The following SNTG2 variants were observed in gnomAD, a reference collection of about 807,000 sequenced individuals.
The protein encoded by SNTG2 is gamma-2-syntrophin.
Under a neutral mutation model 70.9 loss-of-function variants are expected in SNTG2, and 74 were observed. That is an observed-to-expected ratio of 1.04 (90% CI 0.86 to 1.27). The LOEUF is 1.27. SNTG2 is among the 50% of genes most tolerant of loss of function. The pLI, the probability that SNTG2 is intolerant of heterozygous loss-of-function variation, is 0.00. For missense variants in SNTG2, 717 were observed against 690.7 expected (o/e 1.04, Z -0.43); for synonymous variants, 278 against 273.8 (o/e 1.02, Z -0.15).
At chr2:1,168,231 ACGGCAGAAC>A (rs1248057069) in intron 7 of SNTG2, among the ~76,000 whole-genome samples, 67 of 144,520 alleles carry the variant, frequency 4.6e-4, no homozygotes, top group Non-Finnish European at 1.5e-4. Context: ...CCGCCCACAG[ACGGCAGAAC>A]TGAAGCCTAC....
chr2:1,278,410 G>T (rs1350279528), intron 14 of SNTG2, among the ~76,000 whole-genome samples: 1 of 152,162 alleles, frequency 6.6e-6, no homozygotes, highest in Non-Finnish European at 1.5e-5. Context: ...GAGGGCACCA[G>T]GTGCTAGTGA....
chr2:1,362,426 G>A (rs1354615520), intron 16 of SNTG2, among the ~76,000 whole-genome samples: 5 of 150,434 alleles, frequency 3.3e-5, no homozygotes, highest in Admixed American at 2.0e-4. Context: ...GGTCACTAAC[G>A]CTGAGCATTT....
chr2:958,977 C>G (rs780529034), intron 1 of SNTG2, among the ~76,000 whole-genome samples: 2 of 152,158 alleles, frequency 1.3e-5, no homozygotes, highest in African/African-American at 2.4e-5. Context: ...AGGATAAGGA[C>G]TCACACACAG....
intron 1 of SNTG2, among the ~76,000 whole-genome samples, chr2:1,042,748 ATTTTCT>A (rs1572282912): frequency 6.6e-6 from 1 of 152,082 alleles, no homozygotes; most frequent in Non-Finnish European, 1.5e-5. Context: ...TATGGACCAC[ATTTTCT>A]TTATCTGCTC....
chr2:1,182,043 T>A (rs1671938754), intron 8 of SNTG2, among the ~76,000 whole-genome samples: 1 of 152,194 alleles, frequency 6.6e-6, no homozygotes, highest in Admixed American at 6.5e-5. Context: ...GGCTTGTTAA[T>A]TGGTTAGTGT....
At position 1,110,573 on chromosome 2, in the gene SNTG2, G is replaced by A. The variant is rs547024499; in HGVS notation, c.325+12163G>A. On this transcript the variant is annotated intron_variant, in intron 4 of 16. Coordinates refer to ENST00000308624, the MANE Select transcript of SNTG2 (RefSeq NM_018968.4). ...CACATGGCATAGAGAAACCCGTGAT[G>A]AATGCCCCCATTGTCCCTCAGAAAG... 5.9e-5 allele frequency among the ~76,000 whole-genome samples: 9 copies of A among 152,246 alleles called. No homozygotes were observed. The East Asian group carries it at 1.2e-3, about 20-fold the overall frequency.
At chr2:957,632 G>A (rs1395138728) in intron 1 of SNTG2, among the ~76,000 whole-genome samples, 3 of 152,036 alleles carry the variant, frequency 2.0e-5, no homozygotes, top group African/African-American at 7.2e-5. Context: ...AACAGCACAG[G>A]GCAGCTACAA....
At chr2:1,030,425 C>T (rs1047135876) in intron 1 of SNTG2, among the ~76,000 whole-genome samples, 18 of 152,116 alleles carry the variant, frequency 1.2e-4, no homozygotes, top group African/African-American at 2.9e-4. Flanking sequence ...AGACACTTGG[C>T]CTGTGATGAC....
At chr2:1,313,037 A>G (rs888579150) in intron 15 of SNTG2, among the ~76,000 whole-genome samples, 1 of 152,216 alleles carries the variant, frequency 6.6e-6, no homozygotes, top group Non-Finnish European at 1.5e-5. Flanking sequence ...TGCCTGTGGC[A>G]TCTCCACCGT....
intron 8 of SNTG2, among the ~76,000 whole-genome samples, chr2:1,177,494 T>TAAA (rs200179345): frequency 5.8e-4 from 83 of 143,142 alleles, no homozygotes; most frequent in African/African-American, 2.1e-3. Flanking sequence ...AAATAAAAAT[T>TAAA]AAAAAAAAAA....
intron 6 of SNTG2, among the ~76,000 whole-genome samples, chr2:1,157,176 C>A (rs548148484): frequency 6.6e-6 from 1 of 152,288 alleles, no homozygotes; most frequent in Non-Finnish European, 1.5e-5. Context: ...CCCCTCCATC[C>A]CATCACTGCC....
intron 7 of SNTG2, among the ~76,000 whole-genome samples, chr2:1,172,477 A>T (rs910341945): frequency 2.0e-5 from 3 of 152,150 alleles, no homozygotes; most frequent in African/African-American, 7.2e-5. Context: ...TTTCTCCCTG[A>T]GCTGTTCCCA....
intron 1 of SNTG2, among the ~76,000 whole-genome samples, chr2:1,007,513 G>A (rs963370484): frequency 2.0e-5 from 3 of 152,170 alleles, no homozygotes; most frequent in African/African-American, 7.2e-5. Flanking sequence ...ACACATTGTT[G>A]TGAAGATTGA....
intron 4 of SNTG2, among the ~76,000 whole-genome samples, chr2:1,123,869 A>G (rs1195543737): frequency 6.6e-6 from 1 of 152,206 alleles, no homozygotes; most frequent in Admixed American, 6.5e-5. Context: ...AAAAATGGGC[A>G]AGGCAGATAC....
rs1665688006 is a variant in SNTG2 at position 1,100,151 on chromosome 2, A to AG, written c.325+1744dup. ...CTGAATGAAAGGACGATTCTTTTCC[A>AG]GGGTTTTTTTTTTTGGTTTCTTCCC... On this transcript the variant is annotated intron_variant, in intron 4 of 16. Transcript: ENST00000308624. Among the ~76,000 whole-genome samples, 8 of 149,986 alleles carry AG rather than the reference A, an allele frequency of 5.3e-5. 2 individuals carry two copies. In the South Asian group the frequency reaches 1.8e-3, roughly 34 times the overall value.
intron 14 of SNTG2, among the ~76,000 whole-genome samples, chr2:1,281,712 AGCCTCT>A (rs974114617): frequency 6.6e-6 from 1 of 152,248 alleles, no homozygotes; most frequent in East Asian, 1.9e-4. Flanking sequence ...CTGTCACTCA[AGCCTCT>A]GCATTTAGTA....
At chr2:1,063,435 G>T (rs1417336468) in intron 1 of SNTG2, among the ~76,000 whole-genome samples, 3 of 152,166 alleles carry the variant, frequency 2.0e-5, no homozygotes, top group Non-Finnish European at 4.4e-5. Context: ...GCCGAGAGAA[G>T]AGTTCCCTCT....
intron 9 of SNTG2, among the ~76,000 whole-genome samples, chr2:1,232,184 GAA>G (rs1676298468): frequency 6.6e-6 from 1 of 152,226 alleles, no homozygotes; most frequent in Non-Finnish European, 1.5e-5. Flanking sequence ...AAGTGACAGA[GAA>G]GGGTGAGGAG....
chr2:1,112,643 G>C (rs1318457576), intron 4 of SNTG2, among the ~76,000 whole-genome samples: 2 of 151,150 alleles, frequency 1.3e-5, no homozygotes, highest in Admixed American at 1.3e-4. Context: ...AGAATCATGT[G>C]TACTAAGTGA....
Sources: allele counts gnomAD v4.1 joint callset (sites outside exome capture counted in the v4.1 genomes callset), GRCh38; gene constraint gnomAD v4.1.1; transcripts MANE v1.5; gene names NCBI Gene and HGNC (gene_info 2026-07-23, HGNC 2026-07-21).